The following DLGAP4 variants were observed in gnomAD, a reference collection of about 807,000 sequenced individuals.
DLGAP4 encodes disks large-associated protein 4.
Under a neutral mutation model 86.9 loss-of-function variants are expected in DLGAP4, and 18 were observed. That is an observed-to-expected ratio of 0.21 (90% CI 0.14 to 0.31). The LOEUF (loss-of-function observed/expected upper bound fraction) is 0.31, where lower values mean the gene tolerates loss of function less well. Ranked by LOEUF, DLGAP4 falls within the 10% of genes least tolerant of loss-of-function variation. The probability of loss-of-function intolerance (pLI) is 1.00; values close to 1 mark genes in which losing one functional copy is unlikely to be tolerated. For synonymous variants in DLGAP4, 548 were observed against 574.3 expected (o/e 0.95, Z 0.65); for missense variants, 1,085 against 1,362.6 (o/e 0.80, Z 3.21).
chr20:36,397,360 G>A (rs551215506), intron 2 of DLGAP4, among the ~76,000 whole-genome samples: 2 of 152,280 alleles, frequency 1.3e-5, no homozygotes, highest in South Asian at 2.1e-4. Context: ...TCCAGAGCAT[G>A]CATTCAACTG....
At chr20:36,374,110 C>A (rs2031056726) in intron 2 of DLGAP4, among the ~76,000 whole-genome samples, 1 of 151,938 alleles carries the variant, frequency 6.6e-6, no homozygotes, top group Non-Finnish European at 1.5e-5. Flanking sequence ...ACTGAGGCAG[C>A]CTTCGACTTT....
chr20:36,327,630 C>T (rs1480554961), intron 1 of DLGAP4, among the ~76,000 whole-genome samples: 23 of 135,006 alleles, frequency 1.7e-4, no homozygotes, highest in Admixed American at 1.0e-3. Context: ...CTCGCTCTGT[C>T]GCCCAGGCTG....
intron 1 of DLGAP4, among the ~76,000 whole-genome samples, chr20:36,347,195 C>A (rs1555893104): frequency 6.6e-6 from 1 of 152,168 alleles, no homozygotes; most frequent in East Asian, 1.9e-4. Context: ...CATCAGCAAC[C>A]CCAGCTCCCA....
chr20:36,485,557 G>T (rs2035375572), intron 7 of DLGAP4, among the ~76,000 whole-genome samples: 1 of 152,096 alleles, frequency 6.6e-6, no homozygotes, highest in African/African-American at 2.4e-5. Flanking sequence ...GGAAACTAAG[G>T]CCCAGAAGGG....
Position 36,527,642 on chromosome 20 carries a change from G to GCA in DLGAP4, c.*623_*624dup, listed in dbSNP as rs886274593. 37 of 147,598 alleles carry GCA rather than the reference G, an allele frequency of 2.5e-4. No individual in the cohort carries two copies. The highest frequency in any genetic ancestry group is 8.4e-4 in the South Asian group (4 of 4,782). The allele number at this position is 147,598 out of a possible 1,614,324, so 9.1% of individuals were successfully genotyped here. On this transcript the variant is annotated 3_prime_UTR_variant, in exon 13 of 13. Transcript: ENST00000339266. ...CAAGTGCTCACACACAACCTCACGC[G>GCA]CACACACACACACGCAGATGGAGGC...
At chr20:36,480,719 A>G (rs1001991792) in intron 7 of DLGAP4, among the ~76,000 whole-genome samples, 1 of 151,450 alleles carries the variant, frequency 6.6e-6, no homozygotes, top group Non-Finnish European at 1.5e-5. Flanking sequence ...CTAAACAAAA[A>G]GTTGGCTGGG....
chr20:36,388,411 C>T (rs1376963449), intron 2 of DLGAP4, among the ~76,000 whole-genome samples: 2 of 152,162 alleles, frequency 1.3e-5, no homozygotes, highest in Non-Finnish European at 2.9e-5. Context: ...CTCCCCAGCT[C>T]CTGGAGCCCC....
In DLGAP4 at chr20:36,350,235, C is replaced by A. The variant is rs1441985079; in HGVS notation, c.-303-16810C>A. On this transcript the variant is annotated intron_variant, in intron 1 of 12. Transcript: ENST00000339266. The surrounding 1 kb of genome is among the most constrained non-coding windows in gnomAD (Gnocchi z 4.4). ...GCCCTTAGGCCCCCCAGCCCTTCGG[C>A]ATCAGTTTCTCTTTGTGTGCTAGAG... 6.6e-6 allele frequency among the ~76,000 whole-genome samples: 1 copy of A among 152,190 alleles called. No homozygotes were observed. The highest frequency in any genetic ancestry group is 1.5e-5 in the Non-Finnish European group (1 of 68,014).
intron 1 of DLGAP4, among the ~76,000 whole-genome samples, chr20:36,349,878 C>T (rs1241301037): frequency 6.6e-6 from 1 of 152,138 alleles, no homozygotes; most frequent in Non-Finnish European, 1.5e-5. Context: ...AAGGTATTTC[C>T]GGGAAAGCAG....
chr20:36,457,264 G>A (rs2033900577), intron 7 of DLGAP4, among the ~76,000 whole-genome samples: 2 of 152,002 alleles, frequency 1.3e-5, no homozygotes, highest in African/African-American at 2.4e-5. Context: ...TGTTACCCAG[G>A]CTGGCGTGCA....
At chr20:36,324,214 G>A (rs6124387) in intron 1 of DLGAP4, among the ~76,000 whole-genome samples, 7 of 152,064 alleles carry the variant, frequency 4.6e-5, no homozygotes, top group Non-Finnish European at 1.0e-4. Context: ...ATCATTTGAG[G>A]TCAGGAGTTT....
intron 7 of DLGAP4, among the ~76,000 whole-genome samples, chr20:36,473,773 T>C (rs1297115496): frequency 6.6e-6 from 1 of 152,110 alleles, no homozygotes; most frequent in Non-Finnish European, 1.5e-5. Context: ...TTTATGTACC[T>C]CTCTTCTCCT....
intron 2 of DLGAP4, among the ~76,000 whole-genome samples, chr20:36,430,672 A>AAAG (rs1555901514): frequency 7.6e-6 from 1 of 131,302 alleles, no homozygotes. Flanking sequence ...AAAAAAAAAA[A>AAAG]GGCCAGGCAT....
chr20:36,518,517 T>C (rs1028433741), intron 10 of DLGAP4, among the ~76,000 whole-genome samples: 3 of 152,228 alleles, frequency 2.0e-5, no homozygotes, highest in African/African-American at 7.2e-5. Flanking sequence ...TTGAAGCCGA[T>C]GCATTTCTCT....
chr20:36,400,916 C>T (rs1362760042), intron 2 of DLGAP4, among the ~76,000 whole-genome samples: 1 of 152,064 alleles, frequency 6.6e-6, no homozygotes, highest in Non-Finnish European at 1.5e-5. Flanking sequence ...GGGGGGCCAG[C>T]GGGGAATCAG....
chr20:36,407,985 C>T (rs1341477862), intron 2 of DLGAP4, among the ~76,000 whole-genome samples: 1 of 151,890 alleles, frequency 6.6e-6, no homozygotes, highest in Non-Finnish European at 1.5e-5. Context: ...AGCCTGGGTT[C>T]GAATCCCAGC....
intron 10 of DLGAP4, among the ~76,000 whole-genome samples, chr20:36,507,136 C>T (rs1053941088): frequency 6.6e-6 from 1 of 152,064 alleles, no homozygotes; most frequent in African/African-American, 2.4e-5. Context: ...GAATGATACT[C>T]TTCATTGAAA....
intron 1 of DLGAP4, among the ~76,000 whole-genome samples, chr20:36,361,871 C>T (rs1555894241): frequency 1.3e-5 from 2 of 149,702 alleles, no homozygotes; most frequent in African/African-American, 2.5e-5. Context: ...CCCAGCTACT[C>T]GGGAGGCTGA....
rs2147323334 is a variant in DLGAP4 at position 36,306,426 on chromosome 20, G to T, written c.-390G>T. ...CCGGGGCGGGGGCCGGGGCCTAGGC[G>T]CGCGGACCTGCGAGCGGACCCGAGA... On this transcript the variant is annotated 5_prime_UTR_variant, in exon 1 of 13. Coordinates refer to ENST00000339266, the MANE Select transcript of DLGAP4 (RefSeq NM_001365621.2). This position sits in a 1 kb window ranked among gnomAD's most constrained non-coding sequence, Gnocchi z 4.9. 1.3e-5 allele frequency: 2 copies of T among 149,642 alleles called. No homozygotes were observed. The highest frequency in any genetic ancestry group is 3.6e-4 in the South Asian group (2 of 5,602). 9.3% of individuals were successfully genotyped at this position (149,642 alleles called of 1,614,324 possible). A position where few individuals can be genotyped will look rare whatever the true frequency, so the allele number is the denominator to read the frequency against.
Sources: gnomAD v4.1 joint callset for allele counts (sites outside exome capture counted in the v4.1 genomes callset) on GRCh38, gnomAD v4.1.1 for gene constraint, Gnocchi (gnomAD v3.1) non-coding constraint, MANE v1.5 for transcripts, NCBI Gene and HGNC (gene_info 2026-07-23, HGNC 2026-07-21) for gene names.